The following ITM2C variants were observed in gnomAD, a reference collection of about 807,000 sequenced individuals.
The protein encoded by ITM2C is integral membrane protein 2C.
A neutral mutation model predicts 30.0 loss-of-function variants in ITM2C; 20 were observed. The observed-to-expected ratio is 0.67, with a 90% CI of 0.47 to 0.97. The LOEUF (loss-of-function observed/expected upper bound fraction) is 0.97, where lower values mean the gene tolerates loss of function less well. Ranked by LOEUF, ITM2C falls within the 50% of genes least tolerant of loss-of-function variation. The pLI is 0.00. For missense variants in ITM2C, 366 were observed against 371.9 expected, an observed-to-expected ratio of 0.98 and a Z score of 0.13; for synonymous variants, 167 against 156.4, an observed-to-expected ratio of 1.07 and a Z score of -0.51.
chr2:230,877,365 G>T lies in ITM2C; in HGVS notation c.562-35G>T, dbSNP rs1202569092. The stretch of plus-strand genomic sequence containing the variant: ...CGAGGGGTTGGACGAAAGCCTGAGG[G>T]GCCGACTCACTGTGGCGGCCACCTT... On this transcript the variant is annotated intron_variant, in intron 4 of 5. Transcript: ENST00000326427. This position sits in a 1 kb window ranked among gnomAD's most constrained non-coding sequence, Gnocchi z 4.8. 6.2e-7 allele frequency: 1 copy of T among 1,609,030 alleles called. No individual in the cohort carries two copies. Among genetic ancestry groups the T allele is most frequent in the Non-Finnish European group, 8.5e-7 (1 of 1,176,898 alleles).
At chr2:230,871,483 C>G (rs1484216210) in intron 1 of ITM2C, among the ~76,000 whole-genome samples, 1 of 152,222 alleles carries the variant, frequency 6.6e-6, no homozygotes, top group African/African-American at 2.4e-5. Context: ...AGCAGCTGTT[C>G]CTGAGGGCCC....
chr2:230,878,233 T>C lies in ITM2C; in HGVS notation c.*134T>C. The C allele has an allele frequency of 1.8e-6, 1 of 540,652 alleles. No individual in the cohort carries two copies. Among genetic ancestry groups the C allele is most frequent in the Non-Finnish European group, 3.2e-6 (1 of 316,464 alleles). The allele number at this position is 540,652 out of a possible 1,614,324, so 33.5% of individuals were successfully genotyped here. A position where few individuals can be genotyped will look rare whatever the true frequency, so the allele number is the denominator to read the frequency against. Reference sequence around the variant, plus strand: ...TAGAGGTGACATGTCTCTCCATTCCTCTCCAACCCTGCCCACCTCCCTGTA... The same window carrying C: ...TAGAGGTGACATGTCTCTCCATTCCCCTCCAACCCTGCCCACCTCCCTGTA... On this transcript the variant is annotated 3_prime_UTR_variant, in exon 6 of 6. Coordinates refer to ENST00000326427, the MANE Select transcript of ITM2C (RefSeq NM_030926.6). The surrounding 1 kb of genome is among the most constrained non-coding windows in gnomAD (Gnocchi z 4.5).
Position 230,865,306 on chromosome 2 carries a change from G to T in ITM2C, c.120+161G>T, listed in dbSNP as rs941648866. ...GAATGGTTGCTTATCCCAGAATGAG[G>T]AGGGGGCTTAAGTCCCGTACTAAAG... On this transcript the variant is annotated intron_variant, in intron 1 of 5. Transcript: ENST00000326427. This position sits in a 1 kb window ranked among gnomAD's most constrained non-coding sequence, Gnocchi z 6.8. 1.1e-5 allele frequency: 8 copies of T among 743,630 alleles called. No individual in the cohort carries two copies. The African/African-American group carries it at 1.5e-4, about 14-fold the overall frequency. 46.1% of individuals were successfully genotyped at this position (743,630 alleles called of 1,614,324 possible). A position where few individuals can be genotyped will look rare whatever the true frequency, so the allele number is the denominator to read the frequency against.
At position 230,878,277 on chromosome 2, in the gene ITM2C, G is replaced by A. The variant is rs532115340; in HGVS notation, c.*178G>A. The A allele has an allele frequency of 2.1e-5, 9 of 436,916 alleles. No homozygotes were observed. The South Asian group carries it at 2.7e-4, about 13-fold the overall frequency. The allele number at this position is 436,916 out of a possible 1,614,324, so 27.1% of individuals were successfully genotyped here. A position where few individuals can be genotyped will look rare whatever the true frequency, so the allele number is the denominator to read the frequency against. On this transcript the variant is annotated 3_prime_UTR_variant, in exon 6 of 6. Coordinates refer to ENST00000326427, the MANE Select transcript of ITM2C (RefSeq NM_030926.6). This position sits in a 1 kb window ranked among gnomAD's most constrained non-coding sequence, Gnocchi z 4.5. ...CCCTGTACCAGAGCTGTGATCTCTC[G>A]GTGGGGGGCCCATCTCTGCTGACCT...
chr2:230,869,667 G>A (rs1386091906), intron 1 of ITM2C, among the ~76,000 whole-genome samples: 1 of 152,206 alleles, frequency 6.6e-6, no homozygotes, highest in Non-Finnish European at 1.5e-5. Flanking sequence ...AGTTAATTTG[G>A]ACATTGTTAC....
At chr2:230,870,720 G>A (rs773322663) in intron 1 of ITM2C, among the ~76,000 whole-genome samples, 6 of 152,334 alleles carry the variant, frequency 3.9e-5, no homozygotes, top group African/African-American at 9.6e-5. Flanking sequence ...AGGGAGACAC[G>A]GGACCCAGCT....
chr2:230,869,725 C>T (rs958956364), intron 1 of ITM2C, among the ~76,000 whole-genome samples: 1 of 152,168 alleles, frequency 6.6e-6, no homozygotes, highest in African/African-American at 2.4e-5. Context: ...GGGGGTCTGC[C>T]GAGTTAATGC....
intron 1 of ITM2C, among the ~76,000 whole-genome samples, chr2:230,866,014 CG>C (rs368266327): frequency 6.6e-6 from 1 of 152,092 alleles, no homozygotes; most frequent in East Asian, 1.9e-4. Context: ...TCCCTCTGGC[CG>C]GGGGGGAGAG....
At chr2:230,870,127 C>G (rs376846378) in intron 1 of ITM2C, among the ~76,000 whole-genome samples, 2 of 152,248 alleles carry the variant, frequency 1.3e-5, no homozygotes, top group African/African-American at 2.4e-5. Flanking sequence ...CCCAGGCTCC[C>G]TGATGCCCCA....
intron 1 of ITM2C, among the ~76,000 whole-genome samples, chr2:230,868,054 C>T (rs1007973621): frequency 6.6e-6 from 1 of 151,868 alleles, no homozygotes; most frequent in East Asian, 1.9e-4. Context: ...CAGTTCTTGA[C>T]CTGTGTCCAG....
At chr2:230,869,057 T>C (rs1304293227) in intron 1 of ITM2C, among the ~76,000 whole-genome samples, 1 of 152,206 alleles carries the variant, frequency 6.6e-6, no homozygotes, top group Non-Finnish European at 1.5e-5. Context: ...GATGAGTTTC[T>C]CTTAGTGTGG....
At position 230,878,247 on chromosome 2, in the gene ITM2C, C is replaced by T; in HGVS notation, c.*148C>T. 4 of 508,130 alleles carry T rather than the reference C, an allele frequency of 7.9e-6. No homozygotes were observed. The highest frequency in any genetic ancestry group is 1.4e-5 in the Non-Finnish European group (4 of 291,856). The allele number at this position is 508,130 out of a possible 1,614,324, so 31.5% of individuals were successfully genotyped here. ...CTCTCCATTCCTCTCCAACCCTGCC[C>T]ACCTCCCTGTACCAGAGCTGTGATC... On this transcript the variant is annotated 3_prime_UTR_variant, in exon 6 of 6. Transcript: ENST00000326427. This position sits in a 1 kb window ranked among gnomAD's most constrained non-coding sequence, Gnocchi z 4.5.
At chr2:230,875,853 CG>C in intron 3 of ITM2C, 45 bp downstream of exon 3, 4 of 1,168,630 alleles carry the variant, frequency 3.4e-6, no homozygotes, top group Admixed American at 1.9e-5. Flanking sequence ...GAGGGTGTCC[CG>C]GGGACTCAGG....
chr2:230,878,970 G>A lies in ITM2C; in HGVS notation c.*871G>A, dbSNP rs998360289. ...TTTGAAAGATAACACAGAGGGAAAG[G>A]GAGAGCCACCTGGTACTTGTCCACC... On this transcript the variant is annotated 3_prime_UTR_variant, in exon 6 of 6. Transcript: ENST00000326427. This position sits in a 1 kb window ranked among gnomAD's most constrained non-coding sequence, Gnocchi z 4.5. The A allele has an allele frequency of 1.3e-5, 2 of 152,600 alleles. No homozygotes were observed. Among genetic ancestry groups the A allele is most frequent in the African/African-American group, 4.8e-5 (2 of 41,426 alleles). 9.5% of individuals were successfully genotyped at this position (152,600 alleles called of 1,614,324 possible).
intron 1 of ITM2C, among the ~76,000 whole-genome samples, chr2:230,868,592 T>A (rs1358830773): frequency 1.3e-5 from 2 of 152,166 alleles, no homozygotes; most frequent in Non-Finnish European, 2.9e-5. Flanking sequence ...CCTCTGTAAT[T>A]TTCTCCTTGG....
intron 1 of ITM2C, among the ~76,000 whole-genome samples, chr2:230,868,299 G>C (rs889670693): frequency 1.3e-5 from 2 of 152,094 alleles, no homozygotes; most frequent in African/African-American, 4.8e-5. Context: ...GAGGAGCTGG[G>C]ACACTGCCAG....
At chr2:230,870,880 T>TC (rs371781648) in intron 1 of ITM2C, among the ~76,000 whole-genome samples, 38 of 151,246 alleles carry the variant, frequency 2.5e-4, no homozygotes, top group African/African-American at 8.9e-4. Flanking sequence ...TTTTTTTTTT[T>TC]CCCTTTTCTG....
intron 2 of ITM2C, 128 bp downstream of exon 2, chr2:230,873,685 G>A (rs535375605): frequency 2.8e-5 from 26 of 914,764 alleles, no homozygotes; most frequent in African/African-American, 6.7e-5. Context: ...GCGAGTGCCC[G>A]GCCAGCCCAC....
rs1697273064 is a variant in ITM2C at position 230,875,635 on chromosome 2, T to C, written c.277T>C (p.Phe93Leu). Reference protein sequence around the residue: ...FFLAQLARDNFFRCGVLYEDS... With the variant: ...FFLAQLARDNLFRCGVLYEDS... ...CCTTGCTCAGCTGGCCCGAGATAAC[T>C]TCTTCCGCTGTGGTGTGCTGTATGA... Residue 93 changes from phenylalanine to leucine, a missense_variant, in exon 3 of 6, where the codon TTC (phenylalanine) becomes CTC (leucine). By Grantham distance (22) the Phe-to-Leu change is conservative. Transcript: ENST00000326427. 1 of 1,605,656 alleles carries C rather than the reference T, an allele frequency of 6.2e-7. No homozygotes were observed. The highest frequency in any genetic ancestry group is 1.3e-5 in the African/African-American group (1 of 74,728).
Sources: allele counts gnomAD v4.1 joint callset (sites outside exome capture counted in the v4.1 genomes callset), GRCh38; gene constraint gnomAD v4.1.1; non-coding constraint Gnocchi (gnomAD v3.1); transcripts MANE v1.5; gene names NCBI Gene and HGNC (gene_info 2026-07-23, HGNC 2026-07-21).